The following LCORL variants were observed in gnomAD, a reference collection of about 807,000 sequenced individuals.
The protein encoded by LCORL is ligand-dependent nuclear receptor corepressor-like protein.
LCORL carries 41 observed loss-of-function variants against 141.8 expected under a neutral mutation model. That is an observed-to-expected ratio of 0.29 (90% CI 0.23 to 0.38). LCORL has a LOEUF of 0.38. Among genes scored for constraint, LCORL ranks in the 10% least tolerant of loss-of-function variants. The probability of loss-of-function intolerance (pLI) is 1.00; values close to 1 mark genes in which losing one functional copy is unlikely to be tolerated. For missense variants in LCORL, 1,759 were observed against 2,035.0 expected (o/e 0.86, Z 2.61); for synonymous variants, 618 against 694.1 (o/e 0.89, Z 1.72).
At chr4:17,992,773 T>A (rs780177220) in intron 1 of LCORL, among the ~76,000 whole-genome samples, 1 of 152,218 alleles carries the variant, frequency 6.6e-6, no homozygotes, top group Non-Finnish European at 1.5e-5. Flanking sequence ...TCCATTTAAG[T>A]GTCACTCATG....
At chr4:17,846,247 T>G in intron 7 of LCORL, among the ~76,000 whole-genome samples, 1 of 152,092 alleles carries the variant, frequency 6.6e-6, no homozygotes, top group Non-Finnish European at 1.5e-5. Context: ...GAGAGCCACT[T>G]TGAGAAAAAA....
At chr4:17,854,078 G>A (rs1289919482) in intron 7 of LCORL, among the ~76,000 whole-genome samples, 1 of 152,110 alleles carries the variant, frequency 6.6e-6, no homozygotes, top group African/African-American at 2.4e-5. Flanking sequence ...ACAAGGGGAA[G>A]AAATATTTGA....
chr4:17,922,969 C>G (rs1462240029), intron 4 of LCORL, among the ~76,000 whole-genome samples: 1 of 152,050 alleles, frequency 6.6e-6, no homozygotes, highest in Non-Finnish European at 1.5e-5. Context: ...AAGTGATGGC[C>G]CCCCCAAGGC....
At chr4:17,933,360 T>A (rs1401511778) in intron 4 of LCORL, among the ~76,000 whole-genome samples, 1 of 152,100 alleles carries the variant, frequency 6.6e-6, no homozygotes. Flanking sequence ...AGCAACAACT[T>A]TTTTCTCTAC....
chr4:17,862,936 T>C (rs751664740), intron 7 of LCORL, among the ~76,000 whole-genome samples: 42 of 152,302 alleles, frequency 2.8e-4, no homozygotes, highest in African/African-American at 9.4e-4. Flanking sequence ...GGGAGAATAT[T>C]TGCCAACCAT....
intron 7 of LCORL, among the ~76,000 whole-genome samples, chr4:17,857,388 A>C (rs1724487085): frequency 6.6e-6 from 1 of 152,208 alleles, no homozygotes. Flanking sequence ...CAATGAAAAG[A>C]ACCAGGTAAT....
chr4:17,987,437 T>C (rs1719175650), intron 1 of LCORL, among the ~76,000 whole-genome samples: 1 of 152,224 alleles, frequency 6.6e-6, no homozygotes, highest in Non-Finnish European at 1.5e-5. Context: ...TTGGATATAC[T>C]ACATTTGTTT....
At chr4:17,991,771 G>A (rs562094758) in intron 1 of LCORL, among the ~76,000 whole-genome samples, 16 of 152,070 alleles carry the variant, frequency 1.1e-4, no homozygotes, top group African/African-American at 3.1e-4. Context: ...ACCAGCCCTG[G>A]ACAAAAATTT....
At chr4:17,981,334 A>G (rs1454197842) in intron 1 of LCORL, among the ~76,000 whole-genome samples, 7 of 152,112 alleles carry the variant, frequency 4.6e-5, no homozygotes, top group Admixed American at 1.3e-4. Flanking sequence ...TTGAGTTCCT[A>G]TTGTCCCCAA....
At chr4:17,842,460 C>T (rs975322716) in exon 8 of LCORL, 34 of 1,093,208 alleles carry the variant, frequency 3.1e-5, no homozygotes, top group Middle Eastern at 2.0e-4. Context: ...AATTTTCTTG[C>T]GAATGAGAGA....
intron 7 of LCORL, among the ~76,000 whole-genome samples, chr4:17,857,557 A>G (rs947531978): frequency 3.9e-5 from 6 of 152,132 alleles, no homozygotes; most frequent in African/African-American, 1.4e-4. Context: ...ATTTGGGACC[A>G]GATAATTGTT....
intron 5 of LCORL, among the ~76,000 whole-genome samples, chr4:17,887,360 C>G (rs542989610): frequency 2.0e-5 from 3 of 152,162 alleles, no homozygotes; most frequent in South Asian, 4.1e-4. Context: ...GAAAATAACA[C>G]AGAGTAAGCT....
At chr4:17,964,675 C>A (rs569082170) in intron 2 of LCORL, among the ~76,000 whole-genome samples, 1 of 152,060 alleles carries the variant, frequency 6.6e-6, no homozygotes, top group South Asian at 2.1e-4. Context: ...CACCATACAA[C>A]GTAAGAAGAA....
At chr4:17,949,965 C>T (rs1739464507) in intron 4 of LCORL, among the ~76,000 whole-genome samples, 1 of 152,148 alleles carries the variant, frequency 6.6e-6, no homozygotes, top group Non-Finnish European at 1.5e-5. Flanking sequence ...AACCACTATG[C>T]ACATTTTCAA....
chr4:17,950,324 T>C (rs758755246), intron 4 of LCORL, among the ~76,000 whole-genome samples: 50 of 152,180 alleles, frequency 3.3e-4, no homozygotes, highest in Admixed American at 1.2e-3. Flanking sequence ...AACATGCTTA[T>C]GTATATCTCT....
chr4:17,937,043 A>C (rs1414960621), intron 4 of LCORL, among the ~76,000 whole-genome samples: 2 of 152,194 alleles, frequency 1.3e-5, no homozygotes, highest in African/African-American at 4.8e-5. Flanking sequence ...AGGGCTAAAA[A>C]ATTTATAAAA....
chr4:17,965,811 C>T, intron 2 of LCORL, among the ~76,000 whole-genome samples: 1 of 152,094 alleles, frequency 6.6e-6, no homozygotes, highest in South Asian at 2.1e-4. Context: ...GTGTGAAACA[C>T]CTCAACAGAT....
At chr4:17,980,909 G>A (rs995258612) in intron 1 of LCORL, among the ~76,000 whole-genome samples, 1 of 152,108 alleles carries the variant, frequency 6.6e-6, no homozygotes, top group Admixed American at 6.6e-5. Flanking sequence ...AACGATCTGA[G>A]GGGGAACAGG....
At chr4:17,957,373 A>G (rs905135548) in intron 4 of LCORL, among the ~76,000 whole-genome samples, 1 of 152,020 alleles carries the variant, frequency 6.6e-6, no homozygotes, top group Non-Finnish European at 1.5e-5. Flanking sequence ...AGCATCCTTT[A>G]TGAACACATA....
Sources: allele counts gnomAD v4.1 joint callset (sites outside exome capture counted in the v4.1 genomes callset), GRCh38; gene constraint gnomAD v4.1.1; transcripts MANE v1.5; gene names NCBI Gene and HGNC (gene_info 2026-07-23, HGNC 2026-07-21).